TEX9: variants seen among roughly 807,000 people sequenced by gnomAD.
TEX9 encodes testis expressed 9.
TEX9 carries 74 observed loss-of-function variants against 59.6 expected under a neutral mutation model. The ratio of observed to expected loss-of-function variants is 1.24; its 90% CI spans 1.03 to 1.51. TEX9 has a LOEUF of 1.51. Among genes scored for constraint, TEX9 ranks in the 40% most tolerant of loss-of-function variants. TEX9 has a pLI of 0.00. For missense variants in TEX9, 522 were observed against 447.8 expected, an observed-to-expected ratio of 1.17 and a Z score of -1.49; for synonymous variants, 186 against 152.2, an observed-to-expected ratio of 1.22 and a Z score of -1.64.
chr15:56,245,789 G>A (rs764146286), intron 1 of TEX9, among the ~76,000 whole-genome samples: 5 of 152,138 alleles, frequency 3.3e-5, no homozygotes, highest in African/African-American at 7.2e-5. Context: ...CAAAATTTGA[G>A]TCCTGGAAGT....
chr15:56,342,669 T>C (rs1342386705), intron 1 of TEX9, among the ~76,000 whole-genome samples: 1 of 152,078 alleles, frequency 6.6e-6, no homozygotes, highest in East Asian at 1.9e-4. Context: ...AAAGCCTTCA[T>C]AGAAGAAAAT....
intron 3 of TEX9, among the ~76,000 whole-genome samples, chr15:56,381,889 GC>G (rs2047745084): frequency 6.6e-6 from 1 of 152,190 alleles, no homozygotes; most frequent in African/African-American, 2.4e-5. Flanking sequence ...AGGCCCTAGA[GC>G]TCTACAATCA....
intron 9 of TEX9, among the ~76,000 whole-genome samples, chr15:56,402,071 A>G (rs1289163309): frequency 1.3e-5 from 2 of 152,228 alleles, no homozygotes; most frequent in Non-Finnish European, 2.9e-5. Context: ...AATTAAAAGA[A>G]CTAGAGAAGC....
intron 1 of TEX9, among the ~76,000 whole-genome samples, chr15:56,302,828 A>G (rs552006129): frequency 1.3e-5 from 2 of 152,340 alleles, no homozygotes; most frequent in African/African-American, 4.8e-5. Context: ...CACTTCACCT[A>G]TAAAGACACA....
intron 1 of TEX9, among the ~76,000 whole-genome samples, chr15:56,326,169 C>G (rs572975448): frequency 6.6e-6 from 1 of 152,316 alleles, no homozygotes; most frequent in African/African-American, 2.4e-5. Context: ...CAATTTTGGA[C>G]AGCTTTCACT....
intron 9 of TEX9, among the ~76,000 whole-genome samples, chr15:56,399,516 C>T (rs1465406090): frequency 3.9e-5 from 6 of 152,230 alleles, no homozygotes; most frequent in African/African-American, 1.4e-4. Flanking sequence ...CTATAGACTC[C>T]ACCTCTGTAG....
At chr15:56,362,797 T>C (rs755123501), upstream of TEX9, among the ~76,000 whole-genome samples, 1 of 152,232 alleles carries the variant, frequency 6.6e-6, no homozygotes, top group Non-Finnish European at 1.5e-5. Flanking sequence ...TGTAGTCATA[T>C]TGAAATAGAA....
chr15:56,286,715 T>C (rs1277254700), intron 1 of TEX9, among the ~76,000 whole-genome samples: 3 of 152,152 alleles, frequency 2.0e-5, no homozygotes, highest in African/African-American at 7.2e-5. Context: ...GCCAGTGCAA[T>C]GGAGGCTCAG....
At chr15:56,339,403 A>AAAAAAAAC (rs2046328574) in intron 1 of TEX9, among the ~76,000 whole-genome samples, 2 of 145,102 alleles carry the variant, frequency 1.4e-5, no homozygotes, top group African/African-American at 5.3e-5. Context: ...AAAAAAAAAA[A>AAAAAAAAC]AAAAAAAAAA....
intron 1 of TEX9, among the ~76,000 whole-genome samples, chr15:56,248,195 G>T (rs1178127407): frequency 2.6e-5 from 4 of 152,226 alleles, no homozygotes; most frequent in Non-Finnish European, 5.9e-5. Context: ...GCAGCAGCAA[G>T]ATTACAGAAG....
At chr15:56,252,679 T>C (rs974381399) in intron 1 of TEX9, among the ~76,000 whole-genome samples, 6 of 151,932 alleles carry the variant, frequency 3.9e-5, no homozygotes, top group African/African-American at 1.5e-4. Flanking sequence ...TCTAGTTTCT[T>C]ATCTGAATTC....
Position 56,434,452 on chromosome 15 carries a change from A to C in TEX9, c.*29+5979A>C, listed in dbSNP as rs370538715. ...ACTATTTCCTTACACCAGATTTATA[A>C]GGAAAGAGTGATAGAGTTTGGTTAA... On this transcript the variant is annotated intron_variant, in intron 12 of 12. Coordinates refer to ENST00000352903, the Ensembl canonical transcript of TEX9. 44 of 1,509,412 alleles carry C rather than the reference A, an allele frequency of 2.9e-5. 2 individuals carry two copies. The highest frequency in any genetic ancestry group is 1.9e-4 in the Middle Eastern group (1 of 5,194). The allele number at this position is 1,509,412 out of a possible 1,614,324, so 93.5% of individuals were successfully genotyped here. A position where few individuals can be genotyped will look rare whatever the true frequency, so the allele number is the denominator to read the frequency against.
chr15:56,299,584 C>T (rs997911859), intron 1 of TEX9, among the ~76,000 whole-genome samples: 5 of 152,146 alleles, frequency 3.3e-5, no homozygotes, highest in African/African-American at 1.2e-4. Flanking sequence ...GTCACCTCTC[C>T]CCTAAACCCA....
At chr15:56,428,444 A>C (rs372989024) in exon 12 of TEX9, 38 of 1,607,150 alleles carry the variant, frequency 2.4e-5, no homozygotes, top group African/African-American at 2.7e-5. Flanking sequence ...GAAATTCATA[A>C]GTGATCTACT....
Position 56,426,632 on chromosome 15 carries a change from CACACAA to C in TEX9, c.964-967_964-962del, listed in dbSNP as rs1197762024. ...ATATATATATATATATATATACACA[CACACAA>C]ACACACACACACACACGTATGTATA... is the stretch of plus-strand genomic sequence containing the variant. On this transcript the variant is annotated intron_variant, in intron 10 of 12. Coordinates refer to ENST00000352903, the Ensembl canonical transcript of TEX9. Among the ~76,000 whole-genome samples the C allele has an allele frequency of 6.0e-5, 4 of 66,590 alleles. No homozygotes were observed. The East Asian group carries it at 1.5e-3, about 24-fold the overall frequency. 43.7% of individuals were successfully genotyped at this position (66,590 alleles called of 152,430 possible).
rs944248142 is a variant in TEX9 at position 56,396,546 on chromosome 15, T to G, written c.828+1712T>G. The G allele has an allele frequency of 2.0e-5, 3 of 150,104 alleles. No homozygotes were observed. In the South Asian group the frequency reaches 6.3e-4, roughly 32 times the overall value. The allele number at this position is 150,104 out of a possible 1,614,324, so 9.3% of individuals were successfully genotyped here. On this transcript the variant is annotated intron_variant, in intron 9 of 12. Transcript: ENST00000352903. ...CAAATGTCACATAAATAGAATCGCA[T>G]TGGATATAGACTTTTGAATCTGTTT... is the stretch of plus-strand genomic sequence containing the variant.
At chr15:56,317,851 A>G (rs936082495) in intron 1 of TEX9, among the ~76,000 whole-genome samples, 3 of 151,998 alleles carry the variant, frequency 2.0e-5, no homozygotes, top group Non-Finnish European at 4.4e-5. Context: ...TTTTAATTTT[A>G]TTCAATTTTT....
At chr15:56,270,108 A>G (rs1022415918) in intron 1 of TEX9, among the ~76,000 whole-genome samples, 3 of 152,188 alleles carry the variant, frequency 2.0e-5, no homozygotes, top group Non-Finnish European at 4.4e-5. Flanking sequence ...GGTGCTGAGA[A>G]GAATGTATAT....
chr15:56,290,317 C>T (rs929963710), intron 1 of TEX9, among the ~76,000 whole-genome samples: 8 of 152,106 alleles, frequency 5.3e-5, no homozygotes, highest in Admixed American at 1.3e-4. Context: ...ATGCCAGTGT[C>T]CTCTGTAGAA....
Sources: allele counts gnomAD v4.1 joint callset (sites outside exome capture counted in the v4.1 genomes callset), GRCh38; gene constraint gnomAD v4.1.1; transcripts MANE v1.5; gene names NCBI Gene and HGNC (gene_info 2026-07-23, HGNC 2026-07-21).